ETV6: variants seen among roughly 807,000 people sequenced by gnomAD.
ETV6 encodes transcription factor ETV6.
In ETV6, 16 loss-of-function variants were observed where a neutral mutation model predicts 51.1. That is an observed-to-expected ratio of 0.31 (90% CI 0.21 to 0.48). The LOEUF is 0.48. ETV6 is among the 20% of genes least tolerant of loss of function. The probability of loss-of-function intolerance (pLI) is 0.99; values close to 1 mark genes in which losing one functional copy is unlikely to be tolerated. For synonymous variants in ETV6, 240 were observed against 224.1 expected (o/e 1.07, Z -0.64); for missense variants, 458 against 594.8 (o/e 0.77, Z 2.39).
chr12:11,850,501 C>G (rs1354054313), intron 3 of ETV6, among the ~76,000 whole-genome samples: 1 of 152,158 alleles, frequency 6.6e-6, no homozygotes. Context: ...CACACCTGTC[C>G]CAAGCCACTA....
intron 2 of ETV6, among the ~76,000 whole-genome samples, chr12:11,757,459 G>A (rs1022806478): frequency 2.6e-5 from 4 of 151,924 alleles, no homozygotes; most frequent in Admixed American, 1.3e-4. Context: ...GGAGCTGAAC[G>A]TGATCATCAT....
intron 3 of ETV6, among the ~76,000 whole-genome samples, chr12:11,842,106 A>G (rs1024296861): frequency 1.3e-5 from 2 of 151,230 alleles, no homozygotes; most frequent in Non-Finnish European, 2.9e-5. Context: ...AAAGAAGAAG[A>G]AGGAGATGTA....
In ETV6 at chr12:11,891,551, T is replaced by C; in HGVS notation, c.*505T>C. 1.9e-6 allele frequency: 1 copy of C among 535,582 alleles called. No individual in the cohort carries two copies. The highest frequency in any genetic ancestry group is 3.6e-6 in the Non-Finnish European group (1 of 275,814). 33.2% of individuals were successfully genotyped at this position (535,582 alleles called of 1,614,324 possible). A position where few individuals can be genotyped will look rare whatever the true frequency, so the allele number is the denominator to read the frequency against. On this transcript the variant is annotated 3_prime_UTR_variant, in exon 8 of 8. Coordinates refer to ENST00000396373, the MANE Select transcript of ETV6 (RefSeq NM_001987.5). ...TGCAGAGGGGTTCAGGTTCCTCTTTTTCCTGCCACGTGGATCAGGTCTGTT... is the reference window on the plus strand; with the variant it reads ...TGCAGAGGGGTTCAGGTTCCTCTTTCTCCTGCCACGTGGATCAGGTCTGTT...
At chr12:11,695,768 A>T (rs1349316871) in intron 1 of ETV6, among the ~76,000 whole-genome samples, 3 of 152,068 alleles carry the variant, frequency 2.0e-5, no homozygotes, top group Non-Finnish European at 2.9e-5. Context: ...ATCCTGGAGG[A>T]TTGTGAGGAA....
intron 2 of ETV6, among the ~76,000 whole-genome samples, chr12:11,779,982 A>G: frequency 6.6e-6 from 1 of 152,224 alleles, no homozygotes; most frequent in East Asian, 1.9e-4. Flanking sequence ...ATGACTTTTT[A>G]AAAGGTTTTG....
At chr12:11,760,518 T>C (rs992279351) in intron 2 of ETV6, among the ~76,000 whole-genome samples, 1 of 152,030 alleles carries the variant, frequency 6.6e-6, no homozygotes, top group Non-Finnish European at 1.5e-5. Flanking sequence ...CTGAGGAGGG[T>C]GAAGGTTTGT....
At chr12:11,778,515 GT>G (rs1483991006) in intron 2 of ETV6, among the ~76,000 whole-genome samples, 1 of 152,216 alleles carries the variant, frequency 6.6e-6, no homozygotes, top group African/African-American at 2.4e-5. Context: ...ATATATGCGT[GT>G]TGAATCAAAC....
Position 11,888,415 on chromosome 12 carries a change from A to C in ETV6, c.1253+2389A>C, listed in dbSNP as rs532897913. Among the ~76,000 whole-genome samples, 158 of 55,420 alleles carry C rather than the reference A, an allele frequency of 2.9e-3. 1 individual carries two copies. The highest frequency in any genetic ancestry group is 9.7e-3 in the African/African-American group (132 of 13,590). The allele number at this position is 55,420 out of a possible 152,430, so 36.4% of individuals were successfully genotyped here. A position where few individuals can be genotyped will look rare whatever the true frequency, so the allele number is the denominator to read the frequency against. ...TTTCTTTTCTTTTTTTTTTTTTTTT[A>C]GACAGAGCCTTGTTCTGTCACCCAG... is the stretch of plus-strand genomic sequence containing the variant. On this transcript the variant is annotated intron_variant, in intron 7 of 7. Transcript: ENST00000396373.
Position 11,783,855 on chromosome 12 carries a change from T to G in ETV6, c.163+31276T>G, listed in dbSNP as rs558690335. Among the ~76,000 whole-genome samples, 205 of 152,218 alleles carry G rather than the reference T, an allele frequency of 1.3e-3. 2 individuals carry two copies. Among genetic ancestry groups the G allele is most frequent in the African/African-American group, 4.8e-3 (200 of 41,534 alleles). ...GTTTGTGGTTGGTTGTTTTTTTGTT[T>G]GTTTGTTTGTTTGTTTTGCCTGAGA... On this transcript the variant is annotated intron_variant, in intron 2 of 7. Transcript: ENST00000396373.
intron 5 of ETV6, among the ~76,000 whole-genome samples, chr12:11,875,520 A>G (rs1946969456): frequency 6.6e-6 from 1 of 152,238 alleles, no homozygotes; most frequent in Non-Finnish European, 1.5e-5. Flanking sequence ...TCAAAGCCAG[A>G]AAGTATATTG....
At chr12:11,666,667 G>A (rs1364460972) in intron 1 of ETV6, among the ~76,000 whole-genome samples, 1 of 152,180 alleles carries the variant, frequency 6.6e-6, no homozygotes, top group Non-Finnish European at 1.5e-5. Context: ...TATTTCTGTT[G>A]CCATTGAGGT....
At chr12:11,828,581 T>C (rs1481609198) in intron 2 of ETV6, among the ~76,000 whole-genome samples, 1 of 152,176 alleles carries the variant, frequency 6.6e-6, no homozygotes, top group African/African-American at 2.4e-5. Flanking sequence ...ACTAAACGGA[T>C]TCTCCAGGGA....
intron 1 of ETV6, among the ~76,000 whole-genome samples, chr12:11,744,805 G>T (rs1323024543): frequency 6.6e-6 from 1 of 152,042 alleles, no homozygotes; most frequent in African/African-American, 2.4e-5. Context: ...CATGAACTGG[G>T]CCACCTTCAT....
At position 11,736,321 on chromosome 12, in the gene ETV6, T is replaced by C. The variant is rs572511865; in HGVS notation, c.34-16129T>C. 1.2e-3 allele frequency among the ~76,000 whole-genome samples: 188 copies of C among 152,280 alleles called. 6 individuals are homozygous for C. Among genetic ancestry groups the C allele is most frequent in the Non-Finnish European group, 1.0e-3 (69 of 68,014 alleles). ...AAAACACACACAAACATAGTCTGTGTCCCCTTTTTTAGTCTAACTGGGAGA... is the reference window on the plus strand; with the variant it reads ...AAAACACACACAAACATAGTCTGTGCCCCCTTTTTTAGTCTAACTGGGAGA... On this transcript the variant is annotated intron_variant, in intron 1 of 7. Transcript: ENST00000396373.
chr12:11,783,144 G>A (rs1385591983), intron 2 of ETV6, among the ~76,000 whole-genome samples: 2 of 152,096 alleles, frequency 1.3e-5, no homozygotes. Flanking sequence ...GAGGAGCAAG[G>A]GATGGGAAGC....
At chr12:11,726,198 T>C (rs1865485200) in intron 1 of ETV6, among the ~76,000 whole-genome samples, 1 of 152,184 alleles carries the variant, frequency 6.6e-6, no homozygotes, top group African/African-American at 2.4e-5. Flanking sequence ...TCATGAGAAT[T>C]CTTAAGGGCA....
intron 3 of ETV6, among the ~76,000 whole-genome samples, chr12:11,850,062 C>A (rs1946527359): frequency 6.6e-6 from 1 of 152,128 alleles, no homozygotes; most frequent in Non-Finnish European, 1.5e-5. Flanking sequence ...GACCCAGTAC[C>A]CAGGACCTCG....
chr12:11,769,836 T>C (rs1945215666), intron 2 of ETV6, among the ~76,000 whole-genome samples: 2 of 152,262 alleles, frequency 1.3e-5, no homozygotes, highest in South Asian at 4.1e-4. Context: ...GTAGCTCTTA[T>C]TTGGAATAAG....
intron 1 of ETV6, among the ~76,000 whole-genome samples, chr12:11,706,751 G>A (rs1865079920): frequency 6.6e-6 from 1 of 152,212 alleles, no homozygotes; most frequent in African/African-American, 2.4e-5. Flanking sequence ...TTTCTAGGAC[G>A]ATTGCATTCC....
Sources: allele counts gnomAD v4.1 joint callset (sites outside exome capture counted in the v4.1 genomes callset), GRCh38; gene constraint gnomAD v4.1.1; transcripts MANE v1.5; gene names NCBI Gene and HGNC (gene_info 2026-07-23, HGNC 2026-07-21).